NXN: variants seen among roughly 807,000 people sequenced by gnomAD.
The protein encoded by NXN is nucleoredoxin, also known as nucleoredoxin 1.
A neutral mutation model predicts 48.6 loss-of-function variants in NXN; 16 were observed. The ratio of observed to expected loss-of-function variants is 0.33; its 90% CI spans 0.22 to 0.50. NXN has a LOEUF of 0.50. Among genes scored for constraint, NXN ranks in the 20% least tolerant of loss-of-function variants. NXN has a pLI of 0.98. For synonymous variants in NXN, 281 were observed against 269.6 expected (o/e 1.04, Z -0.41); for missense variants, 492 against 605.5 (o/e 0.81, Z 1.97).
intron 1 of NXN, among the ~76,000 whole-genome samples, chr17:851,856 C>T (rs1404171849): frequency 4.6e-5 from 7 of 152,326 alleles, no homozygotes; most frequent in Non-Finnish European, 7.3e-5. Flanking sequence ...ATCTGTCTCG[C>T]GTTGCCTGCG....
At chr17:969,965 A>G (rs896256546) in intron 1 of NXN, among the ~76,000 whole-genome samples, 1 of 152,188 alleles carries the variant, frequency 6.6e-6, no homozygotes, top group African/African-American at 2.4e-5. Flanking sequence ...GCCTGTACTG[A>G]GACACCCTGG....
intron 1 of NXN, among the ~76,000 whole-genome samples, chr17:837,174 C>T (rs977504946): frequency 2.0e-5 from 3 of 152,104 alleles, no homozygotes; most frequent in Non-Finnish European, 4.4e-5. Context: ...AACAGCGTCT[C>T]GCTATGTGCC....
intron 1 of NXN, among the ~76,000 whole-genome samples, chr17:968,390 C>T (rs1198773644): frequency 1.3e-5 from 2 of 152,156 alleles, no homozygotes; most frequent in Non-Finnish European, 2.9e-5. Flanking sequence ...AAGAGATGAT[C>T]TAGAATTACA....
At position 830,180 on chromosome 17, in the gene NXN, G is replaced by T. The variant is rs1480527026; in HGVS notation, c.361-4102C>A. ...GCTTTCCCCGCTATGTTTTGTAACT[G>T]GTAAGAGCTGAAAGTGATTCAGCAG... On this transcript the variant is annotated intron_variant, in intron 1 of 7. Coordinates refer to ENST00000336868, the MANE Select transcript of NXN (RefSeq NM_022463.5). The surrounding 1 kb of genome is among the most constrained non-coding windows in gnomAD (Gnocchi z 4.2). 6.6e-6 allele frequency among the ~76,000 whole-genome samples: 1 copy of T among 152,212 alleles called. No homozygotes were observed. Among genetic ancestry groups the T allele is most frequent in the Non-Finnish European group, 1.5e-5 (1 of 68,038 alleles).
intron 1 of NXN, among the ~76,000 whole-genome samples, chr17:837,316 C>G (rs1913882120): frequency 6.6e-6 from 1 of 152,148 alleles, no homozygotes; most frequent in Admixed American, 6.5e-5. Flanking sequence ...GGACCTTGTC[C>G]TCATATCCCC....
intron 1 of NXN, among the ~76,000 whole-genome samples, chr17:965,827 C>T (rs897603803): frequency 1.3e-5 from 2 of 151,640 alleles, no homozygotes; most frequent in African/African-American, 4.9e-5. Flanking sequence ...AATGGTGTGA[C>T]TTCAACAGAC....
chr17:866,313 T>C lies in NXN; in HGVS notation c.361-40235A>G, dbSNP rs553880060. Among the ~76,000 whole-genome samples the C allele has an allele frequency of 2.0e-5, 3 of 152,306 alleles. No homozygotes were observed. In the East Asian group the frequency reaches 5.8e-4, roughly 29 times the overall value. On this transcript the variant is annotated intron_variant, in intron 1 of 7. Transcript: ENST00000336868. ...ATAAGAAACTTAAGGCTGGGCGCAG[T>C]GGCTCACACCTGTAATACCAGCACT...
chr17:946,536 G>A (rs549032302), intron 1 of NXN, among the ~76,000 whole-genome samples: 385 of 152,316 alleles, frequency 2.5e-3, no homozygotes, highest in Non-Finnish European at 4.3e-3. Context: ...GCAAGAGTCC[G>A]TAGTGGGTGT....
intron 1 of NXN, among the ~76,000 whole-genome samples, chr17:864,958 T>C (rs747360397): frequency 2.0e-5 from 3 of 152,180 alleles, no homozygotes; most frequent in Admixed American, 1.3e-4. Context: ...ATTTACCTCC[T>C]GCTTAAGCTG....
At chr17:814,195 G>C (rs879617837) in intron 5 of NXN, among the ~76,000 whole-genome samples, 2 of 99,604 alleles carry the variant, frequency 2.0e-5, no homozygotes, top group Admixed American at 1.2e-4. Flanking sequence ...CCGGAAGGCA[G>C]ATGTAGTGAG....
intron 1 of NXN, chr17:908,112 A>G (rs1382182455): frequency 2.6e-5 from 4 of 152,200 alleles, no homozygotes; most frequent in Non-Finnish European, 5.9e-5. Flanking sequence ...CATAATCATA[A>G]TAAGTTTTCC....
chr17:809,250 G>C (rs754039998), intron 5 of NXN, among the ~76,000 whole-genome samples: 1 of 152,210 alleles, frequency 6.6e-6, no homozygotes, highest in Admixed American at 6.5e-5. Context: ...TAAGTTCCTA[G>C]AGAGGGCGCA....
At chr17:926,799 C>T (rs1303991855) in intron 1 of NXN, among the ~76,000 whole-genome samples, 3 of 152,018 alleles carry the variant, frequency 2.0e-5, no homozygotes, top group African/African-American at 7.2e-5. Context: ...GCCTTGGCCT[C>T]CCAAAGAGCT....
At chr17:810,019 T>G (rs1165010062) in intron 5 of NXN, among the ~76,000 whole-genome samples, 19 of 137,262 alleles carry the variant, frequency 1.4e-4, no homozygotes, top group Non-Finnish European at 1.7e-4. Context: ...GTGAGTGGCG[T>G]GCACGTTAAG....
intron 5 of NXN, among the ~76,000 whole-genome samples, chr17:811,303 A>T (rs1379295744): frequency 1.3e-5 from 2 of 152,220 alleles, no homozygotes; most frequent in Non-Finnish European, 1.5e-5. Flanking sequence ...CGGGAGCCAA[A>T]CCAGACAGGG....
intron 1 of NXN, among the ~76,000 whole-genome samples, chr17:898,247 C>G (rs1267985283): frequency 6.6e-6 from 1 of 152,158 alleles, no homozygotes; most frequent in African/African-American, 2.4e-5. Context: ...ACCATCCCCC[C>G]AAGACTGGAC....
chr17:807,337 G>A (rs907763347), intron 5 of NXN, among the ~76,000 whole-genome samples: 11 of 152,244 alleles, frequency 7.2e-5, no homozygotes, highest in East Asian at 1.9e-4. Flanking sequence ...TGCTGTGACA[G>A]GCCCCGCGGC....
In NXN at chr17:841,380, G is replaced by GAGCA. The variant is rs1567827279; in HGVS notation, c.361-15303_361-15302insTGCT. On this transcript the variant is annotated intron_variant, in intron 1 of 7. Coordinates refer to ENST00000336868, the MANE Select transcript of NXN (RefSeq NM_022463.5). ...TGGGACCCAGAGCAGCCCACACACG[G>GAGCA]TGCATCTCACGCCGGCGAGCAGGTC... 1.3e-4 allele frequency among the ~76,000 whole-genome samples: 20 copies of GAGCA among 151,762 alleles called. 1 individual carries two copies. Among genetic ancestry groups the GAGCA allele is most frequent in the African/African-American group, 4.8e-4 (20 of 41,268 alleles).
At chr17:831,109 A>T (rs913150790) in intron 1 of NXN, among the ~76,000 whole-genome samples, 1 of 152,162 alleles carries the variant, frequency 6.6e-6, no homozygotes, top group African/African-American at 2.4e-5. Flanking sequence ...AAAAAGGGCG[A>T]GACCTAGATC....
Sources: allele counts gnomAD v4.1 joint callset (sites outside exome capture counted in the v4.1 genomes callset), GRCh38; gene constraint gnomAD v4.1.1; non-coding constraint Gnocchi (gnomAD v3.1); transcripts MANE v1.5; gene names NCBI Gene and HGNC (gene_info 2026-07-23, HGNC 2026-07-21).